The following ARB2A variants were observed in gnomAD, a reference collection of about 807,000 sequenced individuals.
ARB2A encodes the protein cotranscriptional regulator ARB2A.
chr5:93,786,563 C>A, the ARB2A span, among the ~76,000 whole-genome samples: 1 of 152,090 alleles, frequency 6.6e-6, no homozygotes, highest in Admixed American at 6.5e-5. Flanking sequence ...ACAAATTAAC[C>A]CAGTAGCAAA....
chr5:93,866,382 C>A, the ARB2A span, among the ~76,000 whole-genome samples: 1 of 152,100 alleles, frequency 6.6e-6, no homozygotes, highest in African/African-American at 2.4e-5. Context: ...TAGGTGCAAG[C>A]CTAAATTACT....
chr5:93,725,914 C>T, the ARB2A span, among the ~76,000 whole-genome samples: 4 of 152,008 alleles, frequency 2.6e-5, no homozygotes, highest in Admixed American at 6.6e-5. Context: ...TAAGGGGGCT[C>T]ATGTCAGAGA....
chr5:93,734,895 T>C, the ARB2A span: 2 of 151,984 alleles, frequency 1.3e-5, no homozygotes, highest in African/African-American at 4.8e-5. Context: ...GTAGCTGGGA[T>C]TAAGGTGCAC....
At chr5:94,015,045 C>A in the ARB2A span, among the ~76,000 whole-genome samples, 6 of 151,820 alleles carry the variant, frequency 4.0e-5, no homozygotes, top group East Asian at 1.9e-4. Context: ...TACATGAAGG[C>A]CAGAGAGTAC....
At chr5:93,689,865 C>T in the ARB2A span, among the ~76,000 whole-genome samples, 5 of 152,072 alleles carry the variant, frequency 3.3e-5, no homozygotes, top group African/African-American at 4.8e-5. Flanking sequence ...CCCAGCTTAT[C>T]TCACTGGAAC....
the ARB2A span, among the ~76,000 whole-genome samples, chr5:93,854,403 C>T: frequency 6.6e-6 from 1 of 152,242 alleles, no homozygotes; most frequent in East Asian, 1.9e-4. Context: ...CTTCAAAAAA[C>T]CAGCTCCTAG....
chr5:94,068,051 T>C, the ARB2A span, among the ~76,000 whole-genome samples: 22 of 152,292 alleles, frequency 1.4e-4, no homozygotes, highest in South Asian at 3.3e-3. Context: ...CGGATCACTT[T>C]GTTACCGGCA....
chr5:94,049,583 C>CA, the ARB2A span, among the ~76,000 whole-genome samples: 22 of 148,580 alleles, frequency 1.5e-4, 1 homozygote, highest in South Asian at 4.5e-3. Flanking sequence ...ACTAAAAGTA[C>CA]AAAAAAAAAT....
chr5:93,795,990 C>A, the ARB2A span, among the ~76,000 whole-genome samples: 2 of 152,170 alleles, frequency 1.3e-5, no homozygotes, highest in Non-Finnish European at 2.9e-5. Context: ...CTAAATGCAT[C>A]TAAGTTTAAA....
At chr5:93,968,384 A>G in the ARB2A span, among the ~76,000 whole-genome samples, 2 of 152,190 alleles carry the variant, frequency 1.3e-5, no homozygotes, top group Non-Finnish European at 2.9e-5. Flanking sequence ...GATACAATAA[A>G]AAGTAAATGT....
At chr5:93,676,001 A>G in the ARB2A span, among the ~76,000 whole-genome samples, 1 of 152,196 alleles carries the variant, frequency 6.6e-6, no homozygotes, top group African/African-American at 2.4e-5. Context: ...TTTGGTATAT[A>G]AAGCTTTAAT....
the ARB2A span, among the ~76,000 whole-genome samples, chr5:93,812,337 T>C: frequency 6.6e-6 from 1 of 152,102 alleles, no homozygotes; most frequent in Admixed American, 6.6e-5. Flanking sequence ...TGGTAATATA[T>C]AGGCCACTGA....
chr5:93,682,232 C>T, the ARB2A span, among the ~76,000 whole-genome samples: 1 of 134,712 alleles, frequency 7.4e-6, no homozygotes, highest in African/African-American at 2.8e-5. Context: ...TTTTAGGATA[C>T]AGTCTAACTT....
At chr5:94,079,992 G>C in the ARB2A span, among the ~76,000 whole-genome samples, 1 of 152,030 alleles carries the variant, frequency 6.6e-6, no homozygotes, top group Non-Finnish European at 1.5e-5. Context: ...GAATATCTGT[G>C]ACAATGTTAA....
chr5:93,960,057 A>G, the ARB2A span, among the ~76,000 whole-genome samples: 1 of 144,310 alleles, frequency 6.9e-6, no homozygotes, highest in East Asian at 2.1e-4. Flanking sequence ...TTATCAAAAT[A>G]GGAAGTATAC....
chr5:93,850,020 T>C, the ARB2A span, among the ~76,000 whole-genome samples: 1 of 152,234 alleles, frequency 6.6e-6, no homozygotes. Flanking sequence ...AATTATTATC[T>C]ACTTTTTATA....
the ARB2A span, among the ~76,000 whole-genome samples, chr5:93,706,079 A>G: frequency 1.3e-5 from 2 of 152,236 alleles, no homozygotes; most frequent in Non-Finnish European, 2.9e-5. Flanking sequence ...ATGTTCAAAC[A>G]AACACTTATA....
the ARB2A span, among the ~76,000 whole-genome samples, chr5:93,705,514 G>A: frequency 6.6e-5 from 10 of 151,840 alleles, no homozygotes; most frequent in African/African-American, 1.7e-4. Flanking sequence ...ATTTTAAGGC[G>A]CATCAGATTA....
At chr5:93,827,693 A>T in the ARB2A span, among the ~76,000 whole-genome samples, 28 of 151,504 alleles carry the variant, frequency 1.8e-4, no homozygotes, top group African/African-American at 5.3e-4. Flanking sequence ...CTGAATGGTA[A>T]TGCCTAGGTT....
Sources: allele counts gnomAD v4.1 joint callset (sites outside exome capture counted in the v4.1 genomes callset), GRCh38; gene constraint gnomAD v4.1.1; transcripts MANE v1.5; gene names NCBI Gene and HGNC (gene_info 2026-07-23, HGNC 2026-07-21).